Variants in CMC1 observed in about 807,000 individuals in gnomAD.
CMC1 encodes the protein COX assembly mitochondrial protein homolog.
CMC1 carries 14 observed loss-of-function variants against 14.1 expected under a neutral mutation model. The ratio of observed to expected loss-of-function variants is 0.99; its 90% confidence interval spans 0.66 to 1.55. CMC1 has a LOEUF of 1.55. CMC1 is among the 40% of genes most tolerant of loss of function. CMC1 has a pLI of 0.00. For synonymous variants in CMC1, 50 were observed against 38.4 expected (o/e 1.30, Z -1.12); for missense variants, 127 against 123.8 (o/e 1.03, Z -0.12).
chr3:28,311,986 T>C (rs911057942), intron 2 of CMC1, among the ~76,000 whole-genome samples: 1 of 152,226 alleles, frequency 6.6e-6, no homozygotes, highest in Non-Finnish European at 1.5e-5. Flanking sequence ...GTTTTGTGAT[T>C]CAGATTCCTA....
At chr3:28,293,682 A>C (rs1260451247) in intron 2 of CMC1, among the ~76,000 whole-genome samples, 1 of 152,080 alleles carries the variant, frequency 6.6e-6, no homozygotes, top group African/African-American at 2.4e-5. Context: ...CCTGGATTCA[A>C]GTGGTTTTTC....
intron 3 of CMC1, chr3:28,319,115 G>A: frequency 2.7e-6 from 1 of 372,598 alleles, no homozygotes; most frequent in African/African-American, 2.1e-5. Flanking sequence ...ATTTCTGTTG[G>A]TCTTTCAAAA....
At chr3:28,317,133 A>G (rs1358141080) in intron 3 of CMC1, 2 of 152,006 alleles carry the variant, frequency 1.3e-5, no homozygotes, top group African/African-American at 2.4e-5. Context: ...TGTGCAGCGT[A>G]TATGTCAGTA....
chr3:28,262,792 T>C (rs928665062), intron 1 of CMC1, among the ~76,000 whole-genome samples: 6 of 152,160 alleles, frequency 3.9e-5, no homozygotes, highest in African/African-American at 1.2e-4. Flanking sequence ...GTGTTTAAAA[T>C]GCAGAGAAAT....
At chr3:28,303,110 TG>T (rs938709587) in intron 2 of CMC1, among the ~76,000 whole-genome samples, 81 of 152,308 alleles carry the variant, frequency 5.3e-4, no homozygotes, top group African/African-American at 1.8e-3. Flanking sequence ...ATCGTGTTTT[TG>T]TACAATTCAA....
At chr3:28,256,199 G>GTA (rs752300535) in intron 1 of CMC1, among the ~76,000 whole-genome samples, 47 of 149,522 alleles carry the variant, frequency 3.1e-4, no homozygotes, top group Non-Finnish European at 5.3e-4. Flanking sequence ...ATATGTGTGT[G>GTA]TGTATATATA....
intron 2 of CMC1, among the ~76,000 whole-genome samples, chr3:28,288,279 T>C (rs1701298455): frequency 6.6e-6 from 1 of 152,112 alleles, no homozygotes; most frequent in Non-Finnish European, 1.5e-5. Flanking sequence ...AGTTTACCTT[T>C]ATCATAAAGA....
chr3:28,255,722 T>TACACACACACACACACAC (rs372487968), intron 1 of CMC1, among the ~76,000 whole-genome samples: 30 of 144,350 alleles, frequency 2.1e-4, no homozygotes, highest in African/African-American at 6.7e-4. Context: ...TACATGTACA[T>TACACACACACACACACAC]ACACACACAC....
intron 2 of CMC1, among the ~76,000 whole-genome samples, chr3:28,297,567 G>A (rs1472217972): frequency 1.3e-5 from 2 of 152,070 alleles, no homozygotes; most frequent in Non-Finnish European, 2.9e-5. Flanking sequence ...TTATTTTAGA[G>A]CTGAAATGTT....
At chr3:28,283,823 A>G (rs1701036006) in intron 2 of CMC1, among the ~76,000 whole-genome samples, 1 of 152,202 alleles carries the variant, frequency 6.6e-6, no homozygotes, top group African/African-American at 2.4e-5. Flanking sequence ...ACTCACCTAC[A>G]CAGACTGAAC....
chr3:28,257,853 T>C (rs187065217), intron 1 of CMC1, among the ~76,000 whole-genome samples: 117 of 151,934 alleles, frequency 7.7e-4, no homozygotes, highest in African/African-American at 2.7e-3. Flanking sequence ...TACCTAGGAG[T>C]GGAACATATT....
intron 2 of CMC1, among the ~76,000 whole-genome samples, chr3:28,269,576 T>C (rs1700176376): frequency 6.6e-6 from 1 of 152,170 alleles, no homozygotes; most frequent in East Asian, 1.9e-4. Context: ...CTTTTTTTTT[T>C]TTTCTTTGAA....
intron 1 of CMC1, among the ~76,000 whole-genome samples, chr3:28,244,628 C>G (rs1003701659): frequency 7.2e-5 from 11 of 151,772 alleles, no homozygotes; most frequent in Middle Eastern, 3.2e-3. Flanking sequence ...ACTCAGGAGG[C>G]TGAGGAATGA....
At chr3:28,294,550 A>T in intron 2 of CMC1, 9 of 617,686 alleles carry the variant, frequency 1.5e-5, no homozygotes, top group Non-Finnish European at 1.8e-5. Flanking sequence ...GAAGTTTATT[A>T]ATTTGCTTAT....
chr3:28,263,410 A>G, intron 2 of CMC1, 30 bp downstream of exon 2: 1 of 1,375,878 alleles, frequency 7.3e-7, no homozygotes, highest in Non-Finnish European at 1.0e-6. Flanking sequence ...GTAAAGATCA[A>G]ATTTATTTTT....
At chr3:28,262,152 G>A (rs909253573) in intron 1 of CMC1, among the ~76,000 whole-genome samples, 1 of 152,006 alleles carries the variant, frequency 6.6e-6, no homozygotes, top group Admixed American at 6.6e-5. Flanking sequence ...ATCATGTCTT[G>A]CCAGTGAGCC....
intron 2 of CMC1, among the ~76,000 whole-genome samples, chr3:28,300,922 C>A: frequency 7.5e-6 from 1 of 133,364 alleles, no homozygotes; most frequent in Non-Finnish European, 1.6e-5. Context: ...CATACCCCCC[C>A]GACGTGTACA....
intron 2 of CMC1, among the ~76,000 whole-genome samples, chr3:28,289,134 C>T (rs1324697356): frequency 6.6e-6 from 1 of 151,010 alleles, no homozygotes; most frequent in East Asian, 1.9e-4. Context: ...TGAATTAAGA[C>T]TAATACAGTC....
chr3:28,307,493 C>A (rs764935182), intron 2 of CMC1, among the ~76,000 whole-genome samples: 8 of 152,092 alleles, frequency 5.3e-5, no homozygotes, highest in Non-Finnish European at 1.0e-4. Flanking sequence ...TAACCAGCGC[C>A]CAGCCTGGGT....
Sources: allele counts gnomAD v4.1 joint callset (sites outside exome capture counted in the v4.1 genomes callset), GRCh38; gene constraint gnomAD v4.1.1; transcripts MANE v1.5; gene names NCBI Gene and HGNC (gene_info 2026-07-23, HGNC 2026-07-21).